Variants in NELL2 observed in about 807,000 individuals in gnomAD.
NELL2 encodes protein kinase C-binding protein NELL2.
NELL2 carries 41 observed loss-of-function variants against 109.6 expected under a neutral mutation model. The observed-to-expected ratio is 0.37, with a 90% CI of 0.29 to 0.49. The LOEUF (loss-of-function observed/expected upper bound fraction) is 0.49, where lower values mean the gene tolerates loss of function less well. NELL2 is among the 20% of genes least tolerant of loss of function. The pLI, the probability that NELL2 is intolerant of heterozygous loss-of-function variation, is 0.98. For synonymous variants in NELL2, 355 were observed against 344.7 expected, an observed-to-expected ratio of 1.03 and a Z score of -0.33; for missense variants, 900 against 1,008.3, an observed-to-expected ratio of 0.89 and a Z score of 1.45.
At chr12:44,569,742 C>T (rs1943792134) in intron 15 of NELL2, among the ~76,000 whole-genome samples, 1 of 151,668 alleles carries the variant, frequency 6.6e-6, no homozygotes, top group South Asian at 2.1e-4. Flanking sequence ...TGAATATTAA[C>T]TACATTTTGA....
At chr12:44,766,958 T>A (rs1025760616) in intron 9 of NELL2, among the ~76,000 whole-genome samples, 3 of 152,216 alleles carry the variant, frequency 2.0e-5, no homozygotes, top group Admixed American at 2.0e-4. Flanking sequence ...ATTTTAATAA[T>A]GAAGAGAAAT....
chr12:44,678,321 T>C (rs529903415), intron 12 of NELL2, among the ~76,000 whole-genome samples: 1 of 152,090 alleles, frequency 6.6e-6, no homozygotes, highest in Non-Finnish European at 1.5e-5. Flanking sequence ...TACTACCAAA[T>C]GGGAGCACTC....
chr12:44,554,259 T>C (rs1352927401), intron 15 of NELL2, among the ~76,000 whole-genome samples: 2 of 152,162 alleles, frequency 1.3e-5, no homozygotes, highest in Admixed American at 6.5e-5. Context: ...TGTTAAGATA[T>C]CTATTTACAC....
In NELL2 at chr12:44,541,812, T is replaced by C. The variant is rs1942586243; in HGVS notation, c.1664-9091A>G. 2.6e-5 allele frequency among the ~76,000 whole-genome samples: 4 copies of C among 152,332 alleles called. No homozygotes were observed. The South Asian group carries it at 8.3e-4, about 32-fold the overall frequency. On this transcript the variant is annotated intron_variant, in intron 15 of 19. Transcript: ENST00000429094. The stretch of plus-strand genomic sequence containing the variant: ...AATTTACCTATATTTACTCACTTAA[T>C]GCTGACTGCAGTACTATGAGGTAGG...
chr12:44,712,639 CTG>C (rs1252646079), intron 10 of NELL2, among the ~76,000 whole-genome samples: 1 of 151,912 alleles, frequency 6.6e-6, no homozygotes, highest in African/African-American at 2.4e-5. Flanking sequence ...GGAAAAGAAA[CTG>C]TGGAACACCT....
At chr12:44,511,106 GA>G (rs1940984023) in intron 19 of NELL2, among the ~76,000 whole-genome samples, 1 of 152,170 alleles carries the variant, frequency 6.6e-6, no homozygotes, top group Non-Finnish European at 1.5e-5. Flanking sequence ...TATGTCTTAG[GA>G]AGGGTTTCTT....
chr12:44,698,922 C>T (rs894536440), intron 12 of NELL2, among the ~76,000 whole-genome samples: 4 of 152,130 alleles, frequency 2.6e-5, no homozygotes, highest in African/African-American at 9.7e-5. Flanking sequence ...CTGTCATCCC[C>T]AGCAACTATT....
upstream of NELL2, among the ~76,000 whole-genome samples, chr12:44,878,221 C>T (rs1400380612): frequency 1.3e-5 from 2 of 152,148 alleles, no homozygotes; most frequent in South Asian, 4.1e-4. Flanking sequence ...GTACCATACA[C>T]ACTGAGGCTC....
intron 15 of NELL2, among the ~76,000 whole-genome samples, chr12:44,543,064 C>T (rs989150508): frequency 2.0e-5 from 3 of 152,062 alleles, no homozygotes; most frequent in Non-Finnish European, 4.4e-5. Context: ...TATAGCAGTC[C>T]TAGGAAAATA....
rs148586503 is a variant in NELL2, at chr12:44,690,508, G to A, written c.1318+13218C>T. The stretch of plus-strand genomic sequence containing the variant: ...TGGTGGCCCATGTTGCTGGTCTTTG[G>A]ATCACATGTTGGACCTCAAACACTG... On this transcript the variant is annotated intron_variant, in intron 12 of 19. Transcript: ENST00000429094. Among the ~76,000 whole-genome samples, 21 of 151,022 alleles carry A rather than the reference G, an allele frequency of 1.4e-4. No individual in the cohort carries two copies. In the East Asian group the frequency reaches 4.1e-3, roughly 29 times the overall value.
At chr12:44,554,981 C>A (rs2136171824) in intron 15 of NELL2, among the ~76,000 whole-genome samples, 1 of 152,304 alleles carries the variant, frequency 6.6e-6, no homozygotes, top group Non-Finnish European at 1.5e-5. Flanking sequence ...AGGTAGCCTC[C>A]TTTTAGAATG....
At chr12:44,659,137 T>G (rs1407111247) in intron 13 of NELL2, among the ~76,000 whole-genome samples, 2 of 152,166 alleles carry the variant, frequency 1.3e-5, no homozygotes, top group African/African-American at 2.4e-5. Context: ...TTGGGAAAAC[T>G]GGCTAGCCAT....
rs555221148 is a variant in NELL2, at chr12:44,619,987, G to A, written c.1445-9017C>T. ...TGGGCTCCATAGTGAATCAATATTT[G>A]AGCCAAGAGGAAGAAACACTTTAGA... On this transcript the variant is annotated intron_variant, in intron 13 of 19. Transcript: ENST00000429094. Among the ~76,000 whole-genome samples, 4 of 152,174 alleles carry A rather than the reference G, an allele frequency of 2.6e-5. No individual in the cohort carries two copies. The South Asian group carries it at 6.2e-4, about 24-fold the overall frequency.
At chr12:44,702,801 A>G (rs1949268272) in intron 12 of NELL2, among the ~76,000 whole-genome samples, 4 of 151,538 alleles carry the variant, frequency 2.6e-5, no homozygotes, top group Non-Finnish European at 5.9e-5. Context: ...ATGAATAAGG[A>G]TTTTTAAGAA....
In NELL2 at chr12:44,522,043, C is replaced by T; in HGVS notation, c.2132G>A (p.Ser711Asn). ...ACAATTCTGGACCCAGGTGTCACCA[C>T]TGTTATACAAAGTTTCCCCATTTTG... is the stretch of plus-strand genomic sequence containing the variant. ...LHQNGETLYN[S>N]GDTWVQNCQQ... Residue 711 changes from serine to asparagine, a missense_variant, in exon 18 of 20, where the codon AGT (serine) becomes AAT (asparagine). Physicochemically the swap from Ser to Asn is conservative, Grantham distance 46. This residue lies in a region of NELL2 where 333 missense variants were observed against 432.3 expected (regional missense o/e 0.77). Transcript: ENST00000429094. 6.2e-7 allele frequency: 1 copy of T among 1,614,120 alleles called. No individual in the cohort carries two copies. The highest frequency in any genetic ancestry group is 1.7e-5 in the Admixed American group (1 of 60,006).
intron 12 of NELL2, among the ~76,000 whole-genome samples, chr12:44,668,238 C>T (rs548653356): frequency 6.6e-6 from 1 of 152,116 alleles, no homozygotes; most frequent in African/African-American, 2.4e-5. Flanking sequence ...GAGGAAGCAA[C>T]CCCTGGGACA....
chr12:44,644,623 T>TC (rs1947016059), intron 13 of NELL2, among the ~76,000 whole-genome samples: 3 of 78,888 alleles, frequency 3.8e-5, no homozygotes, highest in African/African-American at 1.4e-4. Flanking sequence ...TATATATATA[T>TC]ATACATACAT....
At chr12:44,860,473 G>A (rs1345544941) in intron 2 of NELL2, among the ~76,000 whole-genome samples, 1 of 151,922 alleles carries the variant, frequency 6.6e-6, no homozygotes, top group African/African-American at 2.4e-5. Context: ...CAAGGTGTCA[G>A]TAGGGCTATG....
Position 44,520,049 on chromosome 12 carries a change from A to G in NELL2, c.2356T>C (p.Ser786Pro). ...EMNVVRFTGS[S>P]WIKHGTECTL... ...CACTCAGTGCCATGTTTGATCCAAG[A>G]GGACCCGGTGAAGCGAACCACATTC... Residue 786 changes from serine to proline, a missense_variant, in exon 19 of 20, where the codon TCT becomes CCT. Ser to Pro is a moderately conservative substitution (Grantham distance 74). This residue lies in a region of NELL2 where 333 missense variants were observed against 432.3 expected (regional missense o/e 0.77). Coordinates refer to ENST00000429094, the MANE Select transcript of NELL2 (RefSeq NM_001145108.2). The G allele has an allele frequency of 3.7e-6, 6 of 1,614,190 alleles. No homozygotes were observed. Among genetic ancestry groups the G allele is most frequent in the Non-Finnish European group, 5.1e-6 (6 of 1,180,040 alleles).
Sources: allele counts gnomAD v4.1 joint callset (sites outside exome capture counted in the v4.1 genomes callset), GRCh38; gene constraint gnomAD v4.1.1; regional missense constraint gnomAD v4.1.1; transcripts MANE v1.5; gene names NCBI Gene and HGNC (gene_info 2026-07-23, HGNC 2026-07-21).